Variants in FOXP2 observed in about 807,000 individuals in gnomAD.
FOXP2 encodes the protein forkhead box P2, also known as forkhead box protein P2.
In FOXP2, 12 loss-of-function variants were observed where a neutral mutation model predicts 115.8. That is an observed-to-expected ratio of 0.10 (90% CI 0.07 to 0.17). The LOEUF (loss-of-function observed/expected upper bound fraction) is 0.17. Ranked by LOEUF, FOXP2 falls within the 10% of genes least tolerant of loss-of-function variation. The probability of loss-of-function intolerance (pLI) is 1.00; values close to 1 mark genes in which losing one functional copy is unlikely to be tolerated. For missense variants in FOXP2, 629 were observed against 843.5 expected, an observed-to-expected ratio of 0.75 and a Z score of 3.15; for synonymous variants, 328 against 297.7, an observed-to-expected ratio of 1.10 and a Z score of -1.05.
chr7:114,645,061 CAGAACT>C (rs977931939), intron 8 of FOXP2: 1 of 219,884 alleles, frequency 4.5e-6, no homozygotes, highest in African/African-American at 2.5e-5. Context: ...ACATTTATAA[CAGAACT>C]ATTTATAAAA....
chr7:114,426,973 A>G (rs989811164), intron 2 of FOXP2, among the ~76,000 whole-genome samples: 6 of 151,652 alleles, frequency 4.0e-5, no homozygotes, highest in Admixed American at 3.3e-4. Flanking sequence ...CTAGTTTACT[A>G]TCTTACATTG....
At chr7:114,531,109 G>A (rs532452163) in intron 2 of FOXP2, among the ~76,000 whole-genome samples, 8 of 151,774 alleles carry the variant, frequency 5.3e-5, no homozygotes, top group Middle Eastern at 3.4e-3. Context: ...GGCTGCCTTC[G>A]AAATCTCTTT....
rs1249920800 is a variant in FOXP2, at chr7:114,692,528, A to G, written c.*2602A>G. ...AATGACCAGACTTTTTCTAAGAAAA[A>G]TGTTGCTTTAATGCATTTCATGAAT... On this transcript the variant is annotated 3_prime_UTR_variant, in exon 17 of 17. Coordinates refer to ENST00000350908, the MANE Select transcript of FOXP2 (RefSeq NM_014491.4). 6.6e-6 allele frequency: 3 copies of G among 454,138 alleles called. No individual in the cohort carries two copies. The Admixed American group carries it at 7.1e-5, about 11-fold the overall frequency. 28.1% of individuals were successfully genotyped at this position (454,138 alleles called of 1,614,324 possible). A position where few individuals can be genotyped will look rare whatever the true frequency, so the allele number is the denominator to read the frequency against.
At chr7:114,089,904 A>T (rs990039296) in intron 1 of FOXP2, among the ~76,000 whole-genome samples, 2 of 152,014 alleles carry the variant, frequency 1.3e-5, no homozygotes, top group African/African-American at 4.8e-5. Context: ...GCATGGTTTG[A>T]TTAAGATTCA....
chr7:114,561,748 A>G (rs61329597), intron 3 of FOXP2, among the ~76,000 whole-genome samples: 3,419 of 152,186 alleles, frequency 0.022, 120 homozygotes, highest in African/African-American at 0.075. Flanking sequence ...AATGTTCTCC[A>G]TGACCTTGGA....
intron 1 of FOXP2, among the ~76,000 whole-genome samples, chr7:114,125,453 T>G (rs1399958033): frequency 6.6e-6 from 1 of 152,152 alleles, no homozygotes; most frequent in African/African-American, 2.4e-5. Context: ...TGGACTTGTA[T>G]TAAGCCTCAC....
At chr7:114,359,802 A>T (rs1481318981) in intron 2 of FOXP2, among the ~76,000 whole-genome samples, 2 of 152,188 alleles carry the variant, frequency 1.3e-5, no homozygotes, top group Non-Finnish European at 2.9e-5. Context: ...TGTATCTAGG[A>T]AGTAATTAAC....
intron 2 of FOXP2, among the ~76,000 whole-genome samples, chr7:114,528,114 AC>A (rs1213262308): frequency 6.6e-6 from 1 of 152,042 alleles, no homozygotes; most frequent in African/African-American, 2.4e-5. Context: ...TTAGCCCCAA[AC>A]AATCTTCTCA....
intron 2 of FOXP2, among the ~76,000 whole-genome samples, chr7:114,475,806 C>T (rs1378714137): frequency 6.6e-6 from 1 of 151,504 alleles, no homozygotes; most frequent in Non-Finnish European, 1.5e-5. Context: ...CTAATTTAAG[C>T]ATTGAAACTA....
At chr7:114,141,511 G>A (rs1439000654) in intron 1 of FOXP2, among the ~76,000 whole-genome samples, 1 of 151,264 alleles carries the variant, frequency 6.6e-6, no homozygotes, top group Admixed American at 6.6e-5. Context: ...CTGGTCTGAA[G>A]GGGATGAACG....
At chr7:114,349,105 A>G (rs911052905) in intron 2 of FOXP2, among the ~76,000 whole-genome samples, 3 of 152,084 alleles carry the variant, frequency 2.0e-5, no homozygotes, top group African/African-American at 7.2e-5. Context: ...TTCCTGTCCC[A>G]TCAATGCTTG....
At chr7:114,111,887 G>A (rs1380158505) in intron 1 of FOXP2, among the ~76,000 whole-genome samples, 1 of 151,838 alleles carries the variant, frequency 6.6e-6, no homozygotes, top group Non-Finnish European at 1.5e-5. Context: ...AGAGATTTGG[G>A]GTTTGAAGAC....
chr7:114,570,975 A>C, intron 3 of FOXP2: 1 of 1,026,614 alleles, frequency 9.7e-7, no homozygotes, highest in South Asian at 1.3e-5. Context: ...TTCTATAGCC[A>C]ATCCCTTCCA....
chr7:114,611,643 C>CT lies in FOXP2; in HGVS notation c.259-16889dup, dbSNP rs200244536. Among the ~76,000 whole-genome samples, 562 of 152,084 alleles carry CT rather than the reference C, an allele frequency of 3.7e-3. 4 individuals carry two copies. The highest frequency in any genetic ancestry group is 3.9e-3 in the Non-Finnish European group (264 of 67,948). On this transcript the variant is annotated intron_variant, in intron 3 of 16. Transcript: ENST00000350908. ...GCTTAAAATAACTACAGGAAGTTTT[C>CT]TTTTTTTTCTGTGCATCTCCATCCC...
intron 3 of FOXP2, among the ~76,000 whole-genome samples, chr7:114,551,703 A>T (rs1398169517): frequency 2.0e-5 from 3 of 152,176 alleles, no homozygotes; most frequent in African/African-American, 7.2e-5. Context: ...AAAAAAAGAG[A>T]GAGAAAAATG....
intron 2 of FOXP2, among the ~76,000 whole-genome samples, chr7:114,482,416 G>C (rs546842963): frequency 6.6e-6 from 1 of 151,574 alleles, no homozygotes; most frequent in South Asian, 2.1e-4. Context: ...TTCAACTGAA[G>C]GTAATTTGAG....
rs117865561 is a variant in FOXP2, at chr7:114,138,191, C to T, written c.-246-24753C>T. Among the ~76,000 whole-genome samples the T allele has an allele frequency of 2.1e-3, 315 of 152,206 alleles. 3 individuals are homozygous for T. The Middle Eastern group carries it at 0.041, about 20-fold the overall frequency. On this transcript the variant is annotated intron_variant, in intron 1 of 19. Coordinates refer to the FOXP2 transcript ENST00000635638. ...CCCCAAGGAGGTACAGCATAACTCCCTACTCCTTCAGTGTGTGCTGTGCAT... is the reference window on the plus strand; with the variant it reads ...CCCCAAGGAGGTACAGCATAACTCCTTACTCCTTCAGTGTGTGCTGTGCAT...
At chr7:114,476,602 G>C (rs1165174527) in intron 2 of FOXP2, among the ~76,000 whole-genome samples, 3 of 151,812 alleles carry the variant, frequency 2.0e-5, no homozygotes, top group African/African-American at 7.3e-5. Context: ...TGGCTATTCA[G>C]GCTCTTTTTT....
At chr7:114,316,108 G>A (rs1480491113) in intron 2 of FOXP2, among the ~76,000 whole-genome samples, 1 of 152,148 alleles carries the variant, frequency 6.6e-6, no homozygotes, top group East Asian at 1.9e-4. Flanking sequence ...AAGGGACAGT[G>A]TCACCTTGTC....
Sources: gnomAD v4.1 joint callset for allele counts (sites outside exome capture counted in the v4.1 genomes callset) on GRCh38, gnomAD v4.1.1 for gene constraint, MANE v1.5 for transcripts, NCBI Gene and HGNC (gene_info 2026-07-23, HGNC 2026-07-21) for gene names.